The following GRM7 variants were observed in gnomAD, a reference collection of about 807,000 sequenced individuals.
GRM7 encodes glutamate metabotropic receptor 7.
In GRM7, 35 loss-of-function variants were observed where a neutral mutation model predicts 84.5. The ratio of observed to expected loss-of-function variants is 0.41; its 90% CI spans 0.32 to 0.55. The LOEUF (loss-of-function observed/expected upper bound fraction) is 0.55, where lower values mean the gene tolerates loss of function less well. Among genes scored for constraint, GRM7 ranks in the 20% least tolerant of loss-of-function variants. The pLI is 0.19. For synonymous variants in GRM7, 487 were observed against 455.1 expected (o/e 1.07, Z -0.89); for missense variants, 1,003 against 1,194.6 (o/e 0.84, Z 2.36).
chr3:7,308,560 A>G (rs1466312739), intron 4 of GRM7, among the ~76,000 whole-genome samples: 1 of 152,200 alleles, frequency 6.6e-6, no homozygotes, highest in Non-Finnish European at 1.5e-5. Flanking sequence ...AGTGGGCCAG[A>G]AGTTGCATTG....
chr3:7,599,098 T>C (rs888890461), intron 8 of GRM7, among the ~76,000 whole-genome samples: 3 of 152,168 alleles, frequency 2.0e-5, no homozygotes, highest in East Asian at 1.9e-4. Flanking sequence ...GAGACTTCTA[T>C]CTCAGTGACC....
In GRM7 at chr3:7,677,270, A is replaced by AAAAC. The variant is rs1559481599; in HGVS notation, c.2452-2776_2452-2775insCAAA. 4.5e-5 allele frequency among the ~76,000 whole-genome samples: 3 copies of AAAAC among 66,906 alleles called. No homozygotes were observed. In the Admixed American group the frequency reaches 4.6e-4, roughly 10 times the overall value. The allele number at this position is 66,906 out of a possible 152,430, so 43.9% of individuals were successfully genotyped here. A position where few individuals can be genotyped will look rare whatever the true frequency, so the allele number is the denominator to read the frequency against. ...GAGGGAGACTCTGTCTTTAAAAAAA[A>AAAAC]AAAAAAAAAAAAAAAAAAAAAAAAC... On this transcript the variant is annotated intron_variant, in intron 8 of 9. Transcript: ENST00000357716.
intron 1 of GRM7, among the ~76,000 whole-genome samples, chr3:7,041,783 C>G (rs2124942097): frequency 6.6e-6 from 1 of 152,196 alleles, no homozygotes; most frequent in East Asian, 1.9e-4. Flanking sequence ...GGTGGCAGCC[C>G]CTAGGTAGAT....
intron 1 of GRM7, among the ~76,000 whole-genome samples, chr3:6,964,855 T>A (rs1693452930): frequency 6.6e-6 from 1 of 152,360 alleles, no homozygotes; most frequent in Middle Eastern, 3.4e-3. Flanking sequence ...GCGTTCTCCC[T>A]GTCTTCTGTG....
chr3:6,933,754 A>C lies in GRM7; in HGVS notation c.519+71847A>C, dbSNP rs555376470. On this transcript the variant is annotated intron_variant, in intron 1 of 9. Transcript: ENST00000357716. ...AGAAAATTAAAAAAAAAAACAAAACAAAACATTGCCAGTTATTCTGAGTCA... is the reference window on the plus strand; with the variant it reads ...AGAAAATTAAAAAAAAAAACAAAACCAAACATTGCCAGTTATTCTGAGTCA... Among the ~76,000 whole-genome samples the C allele has an allele frequency of 1.3e-3, 182 of 143,402 alleles. 1 individual carries two copies. The highest frequency in any genetic ancestry group is 4.3e-3 in the African/African-American group (175 of 40,470). The allele number at this position is 143,402 out of a possible 152,430, so 94.1% of individuals were successfully genotyped here.
chr3:7,686,268 C>A, intron 9 of GRM7: 1 of 649,166 alleles, frequency 1.5e-6, no homozygotes, highest in Admixed American at 2.3e-5. Flanking sequence ...CTATCGCAGC[C>A]TTTTCCCAAA....
chr3:7,055,712 G>T (rs1291935771), intron 1 of GRM7, among the ~76,000 whole-genome samples: 1 of 151,768 alleles, frequency 6.6e-6, no homozygotes, highest in Non-Finnish European at 1.5e-5. Context: ...GTAGAGACAG[G>T]ATTTCACCAT....
intron 8 of GRM7, among the ~76,000 whole-genome samples, chr3:7,649,571 T>TAAC (rs1426263192): frequency 1.3e-5 from 2 of 152,190 alleles, no homozygotes; most frequent in Non-Finnish European, 2.9e-5. Context: ...GACATATGAA[T>TAAC]AACACTGGTA....
intron 2 of GRM7, among the ~76,000 whole-genome samples, chr3:7,260,157 T>C (rs1354129285): frequency 6.6e-6 from 1 of 152,060 alleles, no homozygotes; most frequent in Non-Finnish European, 1.5e-5. Flanking sequence ...CTTGTAAATT[T>C]ATGTAAGTTC....
chr3:7,518,933 T>A (rs920740378), intron 7 of GRM7, among the ~76,000 whole-genome samples: 2 of 152,216 alleles, frequency 1.3e-5, no homozygotes, highest in Non-Finnish European at 2.9e-5. Context: ...TGCCATTCAT[T>A]ATTTTCTTTT....
intron 2 of GRM7, among the ~76,000 whole-genome samples, chr3:7,298,057 A>G (rs1449565109): frequency 6.6e-6 from 1 of 152,230 alleles, no homozygotes; most frequent in Admixed American, 6.5e-5. Flanking sequence ...GAAATACTTT[A>G]TAAGATTTTT....
chr3:7,124,659 A>C (rs1282227977), intron 1 of GRM7, among the ~76,000 whole-genome samples: 2 of 152,150 alleles, frequency 1.3e-5, no homozygotes, highest in African/African-American at 4.8e-5. Flanking sequence ...GATTAGAACA[A>C]TGATACTTTT....
intron 1 of GRM7, among the ~76,000 whole-genome samples, chr3:6,910,997 C>A (rs1575003642): frequency 6.6e-6 from 1 of 152,098 alleles, no homozygotes; most frequent in East Asian, 1.9e-4. Flanking sequence ...TGCAACCTAC[C>A]ACTATTTTTT....
chr3:7,516,164 CAAAA>C (rs35256206), intron 7 of GRM7, among the ~76,000 whole-genome samples: 2 of 31,428 alleles, frequency 6.4e-5, no homozygotes, highest in Non-Finnish European at 1.1e-4. Context: ...CACCATATCT[CAAAA>C]AAAAAAAAAA....
intron 8 of GRM7, among the ~76,000 whole-genome samples, chr3:7,634,556 C>A (rs1490585623): frequency 2.8e-5 from 4 of 142,740 alleles, no homozygotes; most frequent in African/African-American, 1.1e-4. Flanking sequence ...GAGGCCGAGG[C>A]GGGTGGATCA....
At chr3:7,225,485 A>G (rs995048459) in intron 2 of GRM7, among the ~76,000 whole-genome samples, 2 of 147,706 alleles carry the variant, frequency 1.4e-5, no homozygotes, top group Admixed American at 1.4e-4. Context: ...AAATGTAAAT[A>G]TAAATAATTT....
chr3:6,965,574 A>G (rs890747914), intron 1 of GRM7, among the ~76,000 whole-genome samples: 10 of 151,940 alleles, frequency 6.6e-5, no homozygotes, highest in African/African-American at 2.4e-4. Flanking sequence ...GACTCAAGAG[A>G]TCTTCCTGCC....
chr3:7,402,805 C>CTT (rs35688376), intron 4 of GRM7, among the ~76,000 whole-genome samples: 50 of 143,984 alleles, frequency 3.5e-4, no homozygotes, highest in Admixed American at 2.8e-3. Context: ...TGTTGTTTTC[C>CTT]TTTTTTTTTT....
rs116776610 is a variant in GRM7, at chr3:7,116,593, C to G, written c.520-29859C>G. Among the ~76,000 whole-genome samples the G allele has an allele frequency of 2.3e-3, 344 of 152,214 alleles. 3 individuals carry two copies. The highest frequency in any genetic ancestry group is 2.2e-3 in the Non-Finnish European group (148 of 68,008). ...AGAAAAAACCCATATGATTACTTTA[C>G]TGTTATAAGAAGGCAACAGGTTCTG... On this transcript the variant is annotated intron_variant, in intron 1 of 9. Coordinates refer to ENST00000357716, the MANE Select transcript of GRM7 (RefSeq NM_000844.4).
Sources: allele counts gnomAD v4.1 joint callset (sites outside exome capture counted in the v4.1 genomes callset), GRCh38; gene constraint gnomAD v4.1.1; transcripts MANE v1.5; gene names NCBI Gene and HGNC (gene_info 2026-07-23, HGNC 2026-07-21).